The following AMMECR1 variants were observed in gnomAD, a reference collection of about 807,000 sequenced individuals.
The protein encoded by AMMECR1 is AMMECR nuclear protein 1, also known as nuclear protein AMMECR1.
A neutral mutation model predicts 22.5 loss-of-function variants in AMMECR1; 3 were observed. The observed-to-expected ratio is 0.13, with a 90% CI of 0.06 to 0.35. The LOEUF (loss-of-function observed/expected upper bound fraction) is 0.35. AMMECR1 is among the 10% of genes least tolerant of loss of function. The pLI is 1.00. For synonymous variants in AMMECR1, 130 were observed against 116.7 expected (o/e 1.11, Z -0.74); for missense variants, 235 against 278.7 (o/e 0.84, Z 1.12).
intron 2 of AMMECR1, among the ~76,000 whole-genome samples, chrX:110,228,050 G>A (rs2067543327): frequency 8.9e-6 from 1 of 112,088 alleles, no homozygotes; most frequent in Non-Finnish European, 1.9e-5. Context: ...TCTATGGTAA[G>A]TATAACTGCA....
chrX:110,300,640 C>A (rs1320531064), intron 1 of AMMECR1, among the ~76,000 whole-genome samples: 1 of 112,178 alleles, frequency 8.9e-6, no homozygotes. Flanking sequence ...TGGCCCATCA[C>A]AAATGGCAAA....
chrX:110,223,597 C>T (rs912924105), intron 2 of AMMECR1, among the ~76,000 whole-genome samples: 1 of 111,672 alleles, frequency 9.0e-6, no homozygotes, highest in East Asian at 2.8e-4. Context: ...GGATCTCATC[C>T]GTGTGTTCTC....
intron 1 of AMMECR1, among the ~76,000 whole-genome samples, chrX:110,284,277 T>C (rs972486862): frequency 1.8e-5 from 2 of 112,090 alleles, no homozygotes; most frequent in Non-Finnish European, 1.9e-5. Flanking sequence ...ACTTCAGAAC[T>C]AAAACTCTGA....
chrX:110,364,049 G>A (rs973961367), intron 2 of AMMECR1, among the ~76,000 whole-genome samples: 2 of 111,411 alleles, frequency 1.8e-5, no homozygotes, highest in African/African-American at 6.5e-5. Context: ...CAGTTCTGGA[G>A]GCCAGAAGTT....
intron 2 of AMMECR1, among the ~76,000 whole-genome samples, chrX:110,394,202 C>A (rs1010085037): frequency 8.9e-6 from 1 of 112,688 alleles, no homozygotes; most frequent in African/African-American, 3.2e-5. Flanking sequence ...GTTTAATTAA[C>A]TTATTAATGT....
chrX:110,226,290 C>T (rs1026714819), intron 2 of AMMECR1, among the ~76,000 whole-genome samples: 20 of 112,349 alleles, frequency 1.8e-4, no homozygotes, highest in African/African-American at 5.5e-4. Flanking sequence ...GATTAAGTAA[C>T]TTGCCAATGG....
At position 110,356,983 on chromosome X, in the gene AMMECR1, T is replaced by A. The variant is rs781667546; in HGVS notation, c.-147-39134A>T. Among the ~76,000 whole-genome samples, 13 of 111,967 alleles carry A rather than the reference T, an allele frequency of 1.2e-4. No homozygotes were observed. The East Asian group carries it at 3.6e-3, about 31-fold the overall frequency. On this transcript the variant is annotated intron_variant, in intron 2 of 7. Transcript: ENST00000372057. ...AATGAGTAGCTCAATGAATTTAGCA[T>A]CTATTTTTAAGCATTTTGAGAATTA...
chrX:110,290,601 ATAT>A (rs2067902911), intron 1 of AMMECR1, among the ~76,000 whole-genome samples: 1 of 111,431 alleles, frequency 9.0e-6, no homozygotes, highest in African/African-American at 3.3e-5. Flanking sequence ...GAAATATTTA[ATAT>A]TATTAAAATT....
At chrX:110,244,182 A>G (rs919640477) in intron 2 of AMMECR1, among the ~76,000 whole-genome samples, 4 of 111,417 alleles carry the variant, frequency 3.6e-5, no homozygotes, top group Non-Finnish European at 5.7e-5. Context: ...GTTTCTTTAC[A>G]TCCCTCCTGT....
intron 2 of AMMECR1, among the ~76,000 whole-genome samples, chrX:110,379,899 A>G (rs1478298829): frequency 9.0e-6 from 1 of 111,536 alleles, no homozygotes; most frequent in Non-Finnish European, 1.9e-5. Context: ...ATGTATCTAT[A>G]TATATCATAA....
At chrX:110,214,220 G>A (rs2067461759) in intron 3 of AMMECR1, among the ~76,000 whole-genome samples, 2 of 109,619 alleles carry the variant, frequency 1.8e-5, no homozygotes, top group Admixed American at 1.9e-4. Flanking sequence ...CTGAGATCAC[G>A]CCACTGCAGT....
intron 2 of AMMECR1, among the ~76,000 whole-genome samples, chrX:110,423,447 T>C (rs2068733381): frequency 8.9e-6 from 1 of 112,028 alleles, no homozygotes; most frequent in South Asian, 3.8e-4. Context: ...ATGACTTCTC[T>C]GCTAGGGTTA....
intron 1 of AMMECR1, among the ~76,000 whole-genome samples, chrX:110,435,778 A>G (rs137905088): frequency 2.4e-4 from 27 of 112,392 alleles, no homozygotes; most frequent in African/African-American, 8.4e-4. Context: ...TTCCTCACAA[A>G]TATTATAAAC....
At chrX:110,214,179 C>T (rs997411745) in intron 3 of AMMECR1, among the ~76,000 whole-genome samples, 1 of 109,760 alleles carries the variant, frequency 9.1e-6, no homozygotes, top group African/African-American at 3.3e-5. Flanking sequence ...AGGAGAATGG[C>T]GTGAACCCAG....
chrX:110,280,973 G>A (rs1451976554), intron 1 of AMMECR1, among the ~76,000 whole-genome samples: 1 of 112,035 alleles, frequency 8.9e-6, no homozygotes, highest in East Asian at 2.8e-4. Flanking sequence ...CCAGATCAAA[G>A]TGTATGAACA....
rs182462528 is a variant in AMMECR1 at position 110,328,488 on chromosome X, T to A, written c.-147-10639A>T. On this transcript the variant is annotated intron_variant, in intron 2 of 7. Coordinates refer to the AMMECR1 transcript ENST00000372057. Reference sequence around the variant, plus strand: ...CTCTTTTTTTTTTTTTTTTAACACTTTAAGTTCTGGGATACATGTGCAGAA... The same window carrying A: ...CTCTTTTTTTTTTTTTTTTAACACTATAAGTTCTGGGATACATGTGCAGAA... Among the ~76,000 whole-genome samples the A allele has an allele frequency of 1.2e-3, 122 of 104,924 alleles. 3 individuals carry two copies. The East Asian group carries it at 0.034, about 29-fold the overall frequency. The allele number at this position is 104,924 out of a possible 115,157, so 91.1% of individuals were successfully genotyped here.
At chrX:110,230,714 C>T (rs774336047) in intron 2 of AMMECR1, among the ~76,000 whole-genome samples, 144 of 111,747 alleles carry the variant, frequency 1.3e-3, no homozygotes, top group Non-Finnish European at 2.4e-3. Context: ...TTCAGAAGGT[C>T]GGTAACAACA....
intron 1 of AMMECR1, among the ~76,000 whole-genome samples, chrX:110,264,838 T>G (rs748729315): frequency 1.4e-4 from 16 of 111,653 alleles, no homozygotes; most frequent in Non-Finnish European, 2.8e-4. Context: ...TTAAACAAAC[T>G]AATTATGTTA....
chrX:110,324,336 G>T lies in AMMECR1; in HGVS notation c.-147-6487C>A, dbSNP rs553330227. On this transcript the variant is annotated intron_variant, in intron 2 of 7. Transcript: ENST00000372057. ...AGATCTTGTATCTTGCAACCGAGCTGAATTCATTTCTTACTACTAATAGTT... is the reference window on the plus strand; with the variant it reads ...AGATCTTGTATCTTGCAACCGAGCTTAATTCATTTCTTACTACTAATAGTT... 1.7e-4 allele frequency among the ~76,000 whole-genome samples: 19 copies of T among 111,582 alleles called. No homozygotes were observed. In the South Asian group the frequency reaches 7.2e-3, roughly 42 times the overall value.
Sources: gnomAD v4.1 joint callset for allele counts (sites outside exome capture counted in the v4.1 genomes callset) on GRCh38, gnomAD v4.1.1 for gene constraint, MANE v1.5 for transcripts, NCBI Gene and HGNC (gene_info 2026-07-23, HGNC 2026-07-21) for gene names.